Variants in MEIS2 observed in about 807,000 individuals in gnomAD.
MEIS2 encodes homeobox protein Meis2.
Under a neutral mutation model 58.6 loss-of-function variants are expected in MEIS2, and 9 were observed. The observed-to-expected ratio is 0.15, with a 90% CI of 0.09 to 0.27. MEIS2 has a LOEUF of 0.27. MEIS2 is among the 10% of genes least tolerant of loss of function. The probability of loss-of-function intolerance (pLI) is 1.00; values close to 1 mark genes in which losing one functional copy is unlikely to be tolerated. For missense variants in MEIS2, 427 were observed against 635.0 expected (o/e 0.67, Z 3.52); for synonymous variants, 221 against 228.4 (o/e 0.97, Z 0.29).
intron 7 of MEIS2, among the ~76,000 whole-genome samples, chr15:37,067,583 A>C (rs1246604374): frequency 1.7e-5 from 2 of 116,580 alleles, no homozygotes; most frequent in African/African-American, 6.3e-5. Context: ...GGCAGAAAAC[A>C]GAAATCAGAA....
chr15:36,903,619 T>C (rs1270487605), intron 9 of MEIS2, among the ~76,000 whole-genome samples: 1 of 152,216 alleles, frequency 6.6e-6, no homozygotes, highest in Non-Finnish European at 1.5e-5. Context: ...ACAATCATTT[T>C]CAAAACTACT....
chr15:36,994,867 T>C (rs186400756), intron 8 of MEIS2, among the ~76,000 whole-genome samples: 6 of 152,360 alleles, frequency 3.9e-5, no homozygotes, highest in Admixed American at 3.9e-4. Context: ...TGAACACTGA[T>C]GATTCTGGCT....
At chr15:37,064,741 T>C (rs758082393) in intron 7 of MEIS2, among the ~76,000 whole-genome samples, 6 of 152,224 alleles carry the variant, frequency 3.9e-5, no homozygotes, top group Non-Finnish European at 8.8e-5. Context: ...TCAAAAGCCA[T>C]TGTCTTTAAG....
chr15:37,025,198 T>G (rs181216640), intron 8 of MEIS2, among the ~76,000 whole-genome samples: 47 of 152,342 alleles, frequency 3.1e-4, no homozygotes, highest in Non-Finnish European at 4.9e-4. Context: ...TTCAATGGAT[T>G]ATATGAAAAC....
At chr15:37,017,653 A>C (rs1483777266) in intron 8 of MEIS2, among the ~76,000 whole-genome samples, 1 of 152,184 alleles carries the variant, frequency 6.6e-6, no homozygotes, top group Non-Finnish European at 1.5e-5. Flanking sequence ...GGTAATAAGC[A>C]GACTAAAAAA....
intron 7 of MEIS2, among the ~76,000 whole-genome samples, chr15:37,043,955 T>G (rs963709516): frequency 2.6e-5 from 4 of 152,078 alleles, no homozygotes; most frequent in East Asian, 1.9e-4. Flanking sequence ...CAAAGTGCTG[T>G]GATTACAGGC....
At chr15:36,905,786 T>C (rs569515575) in intron 9 of MEIS2, among the ~76,000 whole-genome samples, 1 of 152,332 alleles carries the variant, frequency 6.6e-6, no homozygotes, top group South Asian at 2.1e-4. Flanking sequence ...TACATACATA[T>C]ATAGTTATAT....
intron 10 of MEIS2, among the ~76,000 whole-genome samples, chr15:36,896,144 T>A (rs1274412771): frequency 6.6e-6 from 1 of 152,230 alleles, no homozygotes; most frequent in African/African-American, 2.4e-5. Context: ...ACAAAGGTAA[T>A]ATTCTTTAAT....
At chr15:37,092,211 TGC>T (rs1453630091) in intron 6 of MEIS2, among the ~76,000 whole-genome samples, 1 of 152,240 alleles carries the variant, frequency 6.6e-6, no homozygotes, top group Non-Finnish European at 1.5e-5. Flanking sequence ...TATCCCAGAC[TGC>T]GGTTTTCTTT....
chr15:37,077,187 C>A (rs1312043591), intron 7 of MEIS2, among the ~76,000 whole-genome samples: 1 of 151,972 alleles, frequency 6.6e-6, no homozygotes, highest in Non-Finnish European at 1.5e-5. Context: ...ATATAAATAC[C>A]CTGATCCGTG....
intron 8 of MEIS2, among the ~76,000 whole-genome samples, chr15:36,970,321 G>A (rs537899734): frequency 1.3e-4 from 20 of 151,500 alleles, no homozygotes; most frequent in South Asian, 2.1e-4. Flanking sequence ...GGAGAATGGC[G>A]TGAACCCGGG....
intron 9 of MEIS2, among the ~76,000 whole-genome samples, chr15:36,909,753 C>G (rs2056912853): frequency 6.7e-6 from 1 of 148,818 alleles, no homozygotes; most frequent in African/African-American, 2.5e-5. Context: ...GCAATATGCA[C>G]AGTCCGGGAC....
At chr15:37,015,184 C>T (rs550881948) in intron 8 of MEIS2, among the ~76,000 whole-genome samples, 24 of 152,296 alleles carry the variant, frequency 1.6e-4, no homozygotes, top group Middle Eastern at 6.8e-3. Context: ...GAAGAAGTAA[C>T]GTGCAGCCCC....
At chr15:37,055,937 A>G (rs1018723717) in intron 7 of MEIS2, among the ~76,000 whole-genome samples, 2 of 152,222 alleles carry the variant, frequency 1.3e-5, no homozygotes, top group Non-Finnish European at 2.9e-5. Flanking sequence ...TCTAAATTAC[A>G]TACCATAATT....
intron 9 of MEIS2, among the ~76,000 whole-genome samples, chr15:36,930,641 G>A (rs1477065931): frequency 1.3e-5 from 2 of 151,324 alleles, no homozygotes; most frequent in African/African-American, 4.9e-5. Context: ...TTTCCAACTT[G>A]TTTCTGAAGT....
chr15:37,069,044 G>A (rs576787446), intron 7 of MEIS2, among the ~76,000 whole-genome samples: 24 of 152,084 alleles, frequency 1.6e-4, no homozygotes, highest in Non-Finnish European at 2.5e-4. Flanking sequence ...GTAATTTTAC[G>A]TTAGCCAGGG....
At chr15:36,953,814 T>G (rs1257302035) in intron 8 of MEIS2, among the ~76,000 whole-genome samples, 1 of 152,208 alleles carries the variant, frequency 6.6e-6, no homozygotes, top group Non-Finnish European at 1.5e-5. Flanking sequence ...TTATTCAAGA[T>G]AGTGACCTTA....
At chr15:37,001,959 G>A (rs2060744832) in intron 8 of MEIS2, among the ~76,000 whole-genome samples, 1 of 152,096 alleles carries the variant, frequency 6.6e-6, no homozygotes, top group East Asian at 1.9e-4. Context: ...TTACACAAAA[G>A]CCTTGTAATG....
intron 6 of MEIS2, among the ~76,000 whole-genome samples, chr15:37,084,368 T>G (rs1892622505): frequency 6.6e-6 from 1 of 152,154 alleles, no homozygotes; most frequent in Admixed American, 6.5e-5. Flanking sequence ...CTCCACAATG[T>G]ATGGGACAGC....
Sources: allele counts gnomAD v4.1 joint callset (sites outside exome capture counted in the v4.1 genomes callset), GRCh38; gene constraint gnomAD v4.1.1; transcripts MANE v1.5; gene names NCBI Gene and HGNC (gene_info 2026-07-23, HGNC 2026-07-21).